The following CCDC149 variants were observed in gnomAD, a reference collection of about 807,000 sequenced individuals.
CCDC149 encodes the protein coiled-coil domain-containing protein 149.
CCDC149 carries 45 observed loss-of-function variants against 59.9 expected under a neutral mutation model. That is an observed-to-expected ratio of 0.75 (90% CI 0.59 to 0.96). The LOEUF (loss-of-function observed/expected upper bound fraction) is 0.96, where lower values mean the gene tolerates loss of function less well. Among genes scored for constraint, CCDC149 ranks in the 40% least tolerant of loss-of-function variants. The pLI is 0.00. For synonymous variants in CCDC149, 245 were observed against 260.6 expected (o/e 0.94, Z 0.58); for missense variants, 584 against 664.7 (o/e 0.88, Z 1.33).
At chr4:24,829,334 A>T (rs770842526) in intron 9 of CCDC149, 2 of 152,332 alleles carry the variant, frequency 1.3e-5, no homozygotes, top group Non-Finnish European at 2.9e-5. Context: ...TGGTGGGTAC[A>T]AGAGATCTGA....
intron 1 of CCDC149, among the ~76,000 whole-genome samples, chr4:24,974,987 G>A (rs1189113926): frequency 6.6e-6 from 1 of 152,152 alleles, no homozygotes; most frequent in Non-Finnish European, 1.5e-5. Flanking sequence ...GGTGGTGCCT[G>A]TAAGAGGTGA....
chr4:24,934,197 T>C (rs557960967), intron 1 of CCDC149, among the ~76,000 whole-genome samples: 1 of 152,128 alleles, frequency 6.6e-6, no homozygotes, highest in African/African-American at 2.4e-5. Flanking sequence ...AATTCCCACA[T>C]GTTGTGGGAG....
At chr4:24,881,358 T>C (rs1054862205) in intron 1 of CCDC149, among the ~76,000 whole-genome samples, 3 of 152,100 alleles carry the variant, frequency 2.0e-5, no homozygotes, top group African/African-American at 7.2e-5. Context: ...GGGATGTGAG[T>C]TGCTTCAGAA....
intron 12 of CCDC149, among the ~76,000 whole-genome samples, chr4:24,815,851 G>T (rs547699364): frequency 2.7e-4 from 41 of 152,074 alleles, no homozygotes; most frequent in Non-Finnish European, 4.3e-4. Flanking sequence ...GTGGGTGCAG[G>T]GGGGTGCGTG....
intron 5 of CCDC149, 53 bp downstream of exon 5, chr4:24,838,103 T>C: frequency 1.5e-6 from 2 of 1,347,646 alleles, no homozygotes; most frequent in Non-Finnish European, 2.1e-6. Flanking sequence ...TTGTTTGTGT[T>C]GTGTCCAGCT....
At chr4:24,806,089 C>G (rs2109076197), downstream of CCDC149, 1 of 152,180 alleles carries the variant, frequency 6.6e-6, no homozygotes, top group South Asian at 2.1e-4. Context: ...AAACTTTGAT[C>G]CTAAAAAAGA....
intron 1 of CCDC149, among the ~76,000 whole-genome samples, chr4:24,883,488 A>C (rs1402530158): frequency 1.3e-5 from 2 of 152,108 alleles, no homozygotes; most frequent in Non-Finnish European, 2.9e-5. Context: ...CAGGGAGGAA[A>C]GCTTGAGAGA....
chr4:24,823,684 A>C (rs1230393892), intron 9 of CCDC149, among the ~76,000 whole-genome samples: 1 of 152,228 alleles, frequency 6.6e-6, no homozygotes, highest in African/African-American at 2.4e-5. Context: ...CTACACATAT[A>C]TATGGCTGTG....
chr4:24,835,676 G>T (rs1188731611), intron 7 of CCDC149, among the ~76,000 whole-genome samples: 1 of 152,166 alleles, frequency 6.6e-6, no homozygotes, highest in East Asian at 1.9e-4. Flanking sequence ...CATATAGATA[G>T]ACTGGTATAA....
intron 12 of CCDC149, among the ~76,000 whole-genome samples, chr4:24,813,520 ATATATAT>A (rs1560197503): frequency 0.013 from 1,395 of 108,870 alleles, 53 homozygotes; most frequent in East Asian, 0.096. Context: ...ATATATATAT[ATATATAT>A]AAAACCTAAA....
At chr4:24,952,552 C>T (rs10020310) in intron 1 of CCDC149, among the ~76,000 whole-genome samples, 68,465 of 131,082 alleles carry the variant, frequency 0.52, 20,157 homozygotes, top group Non-Finnish European at 0.66. Flanking sequence ...GCCAAGATCA[C>T]ACTACTGCAC....
At chr4:24,833,701 C>T (rs1294237951) in intron 8 of CCDC149, among the ~76,000 whole-genome samples, 3 of 152,116 alleles carry the variant, frequency 2.0e-5, no homozygotes, top group Non-Finnish European at 4.4e-5. Flanking sequence ...TACTGCTGGA[C>T]ATTTATTGTG....
At chr4:24,862,388 A>T (rs1725556258) in intron 3 of CCDC149, among the ~76,000 whole-genome samples, 1 of 152,198 alleles carries the variant, frequency 6.6e-6, no homozygotes, top group African/African-American at 2.4e-5. Context: ...GGCGGCCAGA[A>T]GTTCTGCCCA....
upstream of CCDC149, among the ~76,000 whole-genome samples, chr4:24,915,685 T>G (rs965329721): frequency 1.3e-5 from 2 of 152,228 alleles, no homozygotes; most frequent in Non-Finnish European, 2.9e-5. Flanking sequence ...TTCAACTCGG[T>G]TGAAACAGCA....
intron 9 of CCDC149, chr4:24,829,580 ACT>A (rs955925480): frequency 6.6e-6 from 1 of 151,848 alleles, no homozygotes; most frequent in Non-Finnish European, 1.5e-5. Context: ...GAAGGAAGAG[ACT>A]CAAAGGTGGA....
chr4:24,973,011 G>C (rs185393419), intron 1 of CCDC149, among the ~76,000 whole-genome samples: 21 of 152,094 alleles, frequency 1.4e-4, no homozygotes, highest in Non-Finnish European at 2.5e-4. Context: ...CAAGAACCTT[G>C]GTTTCCACAA....
In CCDC149 at chr4:24,839,061, C is replaced by CAG. The variant is rs72068303; in HGVS notation, c.373-791_373-790dup. Among the ~76,000 whole-genome samples the CAG allele has an allele frequency of 2.3e-3, 263 of 115,304 alleles. 2 individuals carry two copies. Among genetic ancestry groups the CAG allele is most frequent in the African/African-American group, 7.4e-3 (202 of 27,454 alleles). 75.6% of individuals were successfully genotyped at this position (115,304 alleles called of 152,430 possible). ...ACACACACACACACACACACACACA[C>CAG]AGAGAGAGAGAGAGAAAGAGAGAGA... On this transcript the variant is annotated intron_variant, in intron 4 of 12. Coordinates refer to ENST00000635206, the MANE Select transcript of CCDC149 (RefSeq NM_001330643.2).
chr4:24,951,501 G>A (rs1452237231), intron 1 of CCDC149, among the ~76,000 whole-genome samples: 1 of 152,076 alleles, frequency 6.6e-6, no homozygotes. Context: ...AAGTCTAGTG[G>A]AAAAAGCCAG....
intron 1 of CCDC149, among the ~76,000 whole-genome samples, chr4:24,929,091 C>T (rs573095667): frequency 1.3e-5 from 2 of 152,240 alleles, no homozygotes; most frequent in East Asian, 3.9e-4. Flanking sequence ...GGAAATCTAG[C>T]CTCTACACCA....
Sources: gnomAD v4.1 joint callset for allele counts (sites outside exome capture counted in the v4.1 genomes callset) on GRCh38, gnomAD v4.1.1 for gene constraint, MANE v1.5 for transcripts, NCBI Gene and HGNC (gene_info 2026-07-23, HGNC 2026-07-21) for gene names.